The following MCTP1 variants were observed in gnomAD, a reference collection of about 807,000 sequenced individuals.
The protein encoded by MCTP1 is multiple C2 and transmembrane domain-containing protein 1.
A neutral mutation model predicts 120.6 loss-of-function variants in MCTP1; 69 were observed. The observed-to-expected ratio is 0.57, with a 90% confidence interval of 0.47 to 0.70. MCTP1 has a LOEUF of 0.70. MCTP1 is among the 30% of genes least tolerant of loss of function. MCTP1 has a pLI of 0.00. For missense variants in MCTP1, 1,203 were observed against 1,248.8 expected (o/e 0.96, Z 0.55); for synonymous variants, 529 against 493.1 (o/e 1.07, Z -0.96).
At chr5:94,903,885 A>C (rs1246659562) in intron 10 of MCTP1, among the ~76,000 whole-genome samples, 1 of 152,228 alleles carries the variant, frequency 6.6e-6, no homozygotes, top group Non-Finnish European at 1.5e-5. Flanking sequence ...ATTCATAAAA[A>C]CAACTTGTTC....
At chr5:94,715,207 C>G (rs1758642151) in intron 19 of MCTP1, among the ~76,000 whole-genome samples, 1 of 151,724 alleles carries the variant, frequency 6.6e-6, no homozygotes, top group Non-Finnish European at 1.5e-5. Context: ...ATTACCAAAC[C>G]CGGATTCTAC....
chr5:94,841,976 A>T (rs766400185), intron 17 of MCTP1, among the ~76,000 whole-genome samples: 3 of 152,244 alleles, frequency 2.0e-5, no homozygotes, highest in African/African-American at 7.2e-5. Context: ...AATTTGCCTC[A>T]GTACATGAAA....
intron 17 of MCTP1, among the ~76,000 whole-genome samples, chr5:94,801,767 T>C (rs907000132): frequency 7.2e-5 from 11 of 152,178 alleles, no homozygotes; most frequent in Non-Finnish European, 1.6e-4. Flanking sequence ...TGCAGGCCTG[T>C]CATCCACAGA....
At chr5:95,048,463 C>A (rs1191994034) in intron 1 of MCTP1, among the ~76,000 whole-genome samples, 1 of 152,126 alleles carries the variant, frequency 6.6e-6, no homozygotes, top group Admixed American at 6.5e-5. Context: ...GTTACAGAAC[C>A]TAGTTAAAAT....
rs544615052 is a variant in MCTP1, at chr5:94,856,065, T to C, written c.2436+12268A>G. Among the ~76,000 whole-genome samples, 4 of 151,890 alleles carry C rather than the reference T, an allele frequency of 2.6e-5. No individual in the cohort carries two copies. In the South Asian group the frequency reaches 8.3e-4, roughly 31 times the overall value. On this transcript the variant is annotated intron_variant, in intron 17 of 22. Coordinates refer to ENST00000515393, the MANE Select transcript of MCTP1 (RefSeq NM_024717.7). ...AACTGTACACTAAGAATATTGTTAATATAGCCTTATGCTGTTAATCGTTAC... is the reference window on the plus strand; with the variant it reads ...AACTGTACACTAAGAATATTGTTAACATAGCCTTATGCTGTTAATCGTTAC...
At chr5:95,004,391 G>A (rs978444502) in intron 2 of MCTP1, among the ~76,000 whole-genome samples, 42 of 152,322 alleles carry the variant, frequency 2.8e-4, no homozygotes, top group Admixed American at 2.0e-3. Flanking sequence ...ATTCAAGCCC[G>A]CTGTAGAAAT....
intron 1 of MCTP1, among the ~76,000 whole-genome samples, chr5:95,241,655 A>G (rs1486345766): frequency 1.3e-5 from 2 of 152,218 alleles, no homozygotes; most frequent in Admixed American, 6.5e-5. Flanking sequence ...CTCAGAACAT[A>G]GTGCTCCTGC....
chr5:94,861,908 G>GT (rs1400318695), intron 17 of MCTP1, among the ~76,000 whole-genome samples: 2 of 151,906 alleles, frequency 1.3e-5, no homozygotes, highest in East Asian at 3.9e-4. Flanking sequence ...TTGAAGTGAA[G>GT]TGGGGCAGCA....
At chr5:94,975,364 G>A (rs777796114) in intron 2 of MCTP1, among the ~76,000 whole-genome samples, 4 of 151,862 alleles carry the variant, frequency 2.6e-5, no homozygotes, top group Non-Finnish European at 5.9e-5. Flanking sequence ...TGGGATTAGT[G>A]CCCTTATAAG....
intron 1 of MCTP1, among the ~76,000 whole-genome samples, chr5:95,227,490 C>T (rs553482965): frequency 3.3e-5 from 5 of 152,128 alleles, no homozygotes; most frequent in East Asian, 1.9e-4. Context: ...AAAAGATAAA[C>T]GGGAGAAATG....
At chr5:95,238,509 C>A (rs1044660297) in intron 1 of MCTP1, among the ~76,000 whole-genome samples, 2 of 152,098 alleles carry the variant, frequency 1.3e-5, no homozygotes, top group African/African-American at 4.8e-5. Flanking sequence ...CAAAAAATTA[C>A]GCAGATGCCA....
chr5:94,769,598 G>A (rs1282203018), intron 19 of MCTP1, among the ~76,000 whole-genome samples: 6 of 152,008 alleles, frequency 3.9e-5, no homozygotes, highest in African/African-American at 1.2e-4. Flanking sequence ...CTTCTTGTGT[G>A]GCAATATTCT....
intron 1 of MCTP1, among the ~76,000 whole-genome samples, chr5:95,187,845 T>C (rs956385021): frequency 2.6e-5 from 4 of 152,152 alleles, no homozygotes; most frequent in Non-Finnish European, 5.9e-5. Flanking sequence ...AAGTTAATAG[T>C]ACATTTAAAA....
At chr5:95,115,036 T>C (rs1348791824) in intron 1 of MCTP1, among the ~76,000 whole-genome samples, 1 of 152,178 alleles carries the variant, frequency 6.6e-6, no homozygotes, top group Non-Finnish European at 1.5e-5. Flanking sequence ...AGGAGGTACT[T>C]CTACAAGTCT....
chr5:94,981,248 C>T (rs1829345407), intron 2 of MCTP1, among the ~76,000 whole-genome samples: 1 of 152,090 alleles, frequency 6.6e-6, no homozygotes, highest in African/African-American at 2.4e-5. Flanking sequence ...AGATGTAGAA[C>T]CAATCTAAGT....
At chr5:95,237,375 A>G (rs10060946) in intron 1 of MCTP1, among the ~76,000 whole-genome samples, 24,289 of 152,172 alleles carry the variant, frequency 0.16, 2,020 homozygotes, top group Non-Finnish European at 0.19. Context: ...GCCATTAAAA[A>G]TAACGGAGTA....
intron 19 of MCTP1, among the ~76,000 whole-genome samples, chr5:94,771,786 C>T (rs2152904033): frequency 6.6e-6 from 1 of 152,218 alleles, no homozygotes; most frequent in East Asian, 1.9e-4. Context: ...TTTCCTATTG[C>T]TGCTGTAACA....
chr5:94,750,259 C>T (rs1767974931), intron 19 of MCTP1, among the ~76,000 whole-genome samples: 2 of 152,214 alleles, frequency 1.3e-5, no homozygotes, highest in South Asian at 4.1e-4. Context: ...TTACCAAAGT[C>T]TGCACTTTGC....
chr5:95,280,553 G>A (rs1287517658), intron 1 of MCTP1, among the ~76,000 whole-genome samples: 1 of 152,156 alleles, frequency 6.6e-6, no homozygotes, highest in African/African-American at 2.4e-5. Flanking sequence ...CACAAATTGA[G>A]AAAGCATCTT....
Sources: allele counts gnomAD v4.1 joint callset (sites outside exome capture counted in the v4.1 genomes callset), GRCh38; gene constraint gnomAD v4.1.1; transcripts MANE v1.5; gene names NCBI Gene and HGNC (gene_info 2026-07-23, HGNC 2026-07-21).